Variants in LRRC7 observed in about 807,000 individuals in gnomAD.
The protein encoded by LRRC7 is leucine-rich repeat-containing protein 7.
LRRC7 carries 23 observed loss-of-function variants against 175.7 expected under a neutral mutation model. The ratio of observed to expected loss-of-function variants is 0.13; its 90% CI spans 0.09 to 0.19. The LOEUF (loss-of-function observed/expected upper bound fraction) is 0.19, where lower values mean the gene tolerates loss of function less well. Among genes scored for constraint, LRRC7 ranks in the 10% least tolerant of loss-of-function variants. The pLI, the probability that LRRC7 is intolerant of heterozygous loss-of-function variation, is 1.00. For synonymous variants in LRRC7, 685 were observed against 680.9 expected (o/e 1.01, Z -0.09); for missense variants, 1,354 against 1,904.7 (o/e 0.71, Z 5.38).
At chr1:70,119,231 A>G (rs1406369525) in intron 26 of LRRC7, among the ~76,000 whole-genome samples, 1 of 152,012 alleles carries the variant, frequency 6.6e-6, no homozygotes, top group African/African-American at 2.4e-5. Flanking sequence ...CACTTGTTCT[A>G]TGCCTCAGTG....
chr1:69,964,202 G>A (rs766300164), intron 8 of LRRC7, among the ~76,000 whole-genome samples: 35 of 152,182 alleles, frequency 2.3e-4, no homozygotes, highest in Non-Finnish European at 4.3e-4. Context: ...AATAGAGATA[G>A]TAGCTAATGT....
At chr1:69,981,144 G>A (rs1433911184) in intron 9 of LRRC7, among the ~76,000 whole-genome samples, 1 of 152,104 alleles carries the variant, frequency 6.6e-6, no homozygotes, top group Non-Finnish European at 1.5e-5. Flanking sequence ...GAGAGAGACA[G>A]CGAGAGAGCG....
intron 1 of LRRC7, among the ~76,000 whole-genome samples, chr1:69,603,256 G>C (rs944998661): frequency 1.1e-4 from 16 of 152,220 alleles, no homozygotes; most frequent in African/African-American, 2.9e-4. Context: ...GATACCAGAA[G>C]TTAGGACTTG....
intron 1 of LRRC7, among the ~76,000 whole-genome samples, chr1:69,586,629 A>G (rs1004831978): frequency 2.8e-5 from 4 of 143,310 alleles, no homozygotes; most frequent in Non-Finnish European, 6.0e-5. Flanking sequence ...ATAACTCTTG[A>G]TAACTGTTAT....
intron 5 of LRRC7, among the ~76,000 whole-genome samples, chr1:69,830,111 C>T (rs1680359850): frequency 6.6e-6 from 1 of 151,674 alleles, no homozygotes. Context: ...TGCATGAAGC[C>T]AGTATTTAAA....
intron 2 of LRRC7, among the ~76,000 whole-genome samples, chr1:69,737,891 G>T (rs1442063244): frequency 6.6e-6 from 1 of 152,024 alleles, no homozygotes; most frequent in Non-Finnish European, 1.5e-5. Flanking sequence ...ATAAATATTA[G>T]GGCTGGACTT....
At position 69,933,298 on chromosome 1, in the gene LRRC7, A is replaced by G. The variant is rs1303561293; in HGVS notation, c.711+1728A>G. Among the ~76,000 whole-genome samples, 4 of 152,370 alleles carry G rather than the reference A, an allele frequency of 2.6e-5. No homozygotes were observed. In the South Asian group the frequency reaches 8.3e-4, roughly 32 times the overall value. On this transcript the variant is annotated intron_variant, in intron 8 of 26. Transcript: ENST00000651989. ...TTTGCAGGGTGGCCTCAACACAGAT[A>G]TTAAGGCAAGAGTACCTCATAAATA...
In LRRC7 at chr1:69,964,123, C is replaced by G. The variant is rs562305553; in HGVS notation, c.712-16256C>G. Among the ~76,000 whole-genome samples, 6 of 152,256 alleles carry G rather than the reference C, an allele frequency of 3.9e-5. No individual in the cohort carries two copies. In the South Asian group the frequency reaches 1.2e-3, roughly 32 times the overall value. On this transcript the variant is annotated intron_variant, in intron 8 of 26. Transcript: ENST00000651989. Reference sequence around the variant, plus strand: ...TTACAAAACAAAGATCAGGCTCTTGCCCTCCCCATATATTAGCTGTATGAC... The same window carrying G: ...TTACAAAACAAAGATCAGGCTCTTGGCCTCCCCATATATTAGCTGTATGAC...
intron 12 of LRRC7, 32 bp downstream of exon 12, chr1:70,011,958 CT>C: frequency 6.6e-7 from 1 of 1,510,456 alleles, no homozygotes; most frequent in Non-Finnish European, 9.2e-7. Flanking sequence ...TATTTATTAA[CT>C]TTTAATTAAT....
intron 3 of LRRC7, among the ~76,000 whole-genome samples, chr1:69,773,456 A>G (rs1255602084): frequency 2.0e-5 from 3 of 152,202 alleles, no homozygotes; most frequent in Admixed American, 2.0e-4. Flanking sequence ...ACGGGAAGTG[A>G]CAAACTGAGA....
intron 2 of LRRC7, among the ~76,000 whole-genome samples, chr1:69,717,830 GAAAGAAAGAAAAAA>G (rs1212679258): frequency 4.6e-4 from 13 of 28,356 alleles, no homozygotes; most frequent in African/African-American, 2.6e-3. Flanking sequence ...AAGAAAGAAA[GAAAGAAAGAAAAAA>G]GAAAGAAAGG....
At chr1:69,740,647 C>T (rs140928912) in intron 2 of LRRC7, among the ~76,000 whole-genome samples, 218 of 152,124 alleles carry the variant, frequency 1.4e-3, no homozygotes, top group African/African-American at 4.6e-3. Context: ...TTGCCTTATT[C>T]GAACAGGGTT....
At chr1:69,608,846 CTCTCTCTCTCTCTCTCTCTCTATATA>C (rs1337489246) in intron 1 of LRRC7, among the ~76,000 whole-genome samples, 1,681 of 53,282 alleles carry the variant, frequency 0.032, 8 homozygotes, top group South Asian at 0.092. Flanking sequence ...CTCTCTCTCT[CTCTCTCTCTCTCTCTCTCTCTATATA>C]TATATATATA....
rs1431521339 is a variant in LRRC7 at position 69,867,680 on chromosome 1, G to A, written c.647+29397G>A. ...AGGGGAAAGATACAAGGTATGCTTA[G>A]GAGATAGAGTCGAAACATTTAGTAA... On this transcript the variant is annotated intron_variant, in intron 7 of 26. Transcript: ENST00000651989. 4.6e-5 allele frequency among the ~76,000 whole-genome samples: 7 copies of A among 152,148 alleles called. No homozygotes were observed. The South Asian group carries it at 1.0e-3, about 22-fold the overall frequency.
intron 1 of LRRC7, among the ~76,000 whole-genome samples, chr1:69,614,353 A>G (rs772588918): frequency 2.6e-5 from 4 of 152,052 alleles, no homozygotes; most frequent in Non-Finnish European, 5.9e-5. Context: ...ATGAAAAACA[A>G]TTTCCAAATG....
In LRRC7 at chr1:70,106,996, A is replaced by C. The variant is rs577005150; in HGVS notation, c.4546-756A>C. Among the ~76,000 whole-genome samples the C allele has an allele frequency of 5.3e-5, 8 of 152,280 alleles. No individual in the cohort carries two copies. The South Asian group carries it at 1.4e-3, about 28-fold the overall frequency. ...TATTGGTTTTCTTGACTTCTCCTCC[A>C]CTAGATTGTGAGCTCATTAAAGTCA... On this transcript the variant is annotated intron_variant, in intron 25 of 26. Transcript: ENST00000651989.
intron 7 of LRRC7, among the ~76,000 whole-genome samples, chr1:69,921,761 T>A (rs1449476400): frequency 6.6e-6 from 1 of 152,186 alleles, no homozygotes; most frequent in Non-Finnish European, 1.5e-5. Flanking sequence ...CTGGTATCTT[T>A]TTCCTACCTG....
chr1:69,823,156 C>A (rs1412735948), intron 4 of LRRC7, among the ~76,000 whole-genome samples: 1 of 152,092 alleles, frequency 6.6e-6, no homozygotes, highest in Non-Finnish European at 1.5e-5. Flanking sequence ...AATGAGTGAG[C>A]TTTTCTAATC....
At chr1:69,618,205 T>A (rs1649993222) in intron 1 of LRRC7, among the ~76,000 whole-genome samples, 2 of 152,216 alleles carry the variant, frequency 1.3e-5, no homozygotes, top group Non-Finnish European at 2.9e-5. Context: ...CATTACCAGA[T>A]CTGATCGAAG....
Sources: gnomAD v4.1 joint callset for allele counts (sites outside exome capture counted in the v4.1 genomes callset) on GRCh38, gnomAD v4.1.1 for gene constraint, MANE v1.5 for transcripts, NCBI Gene and HGNC (gene_info 2026-07-23, HGNC 2026-07-21) for gene names.